GNG2: variants seen among roughly 807,000 people sequenced by gnomAD.
GNG2 encodes the protein guanine nucleotide-binding protein G(I)/G(S)/G(O) subunit gamma-2.
GNG2 carries 5 observed loss-of-function variants against 5.5 expected under a neutral mutation model. That is an observed-to-expected ratio of 0.91 (90% confidence interval 0.48 to 1.92). The LOEUF (loss-of-function observed/expected upper bound fraction) is 1.92, where lower values mean the gene tolerates loss of function less well. Among genes scored for constraint, GNG2 ranks in the 30% most tolerant of loss-of-function variants. GNG2 has a pLI of 0.01. For missense variants in GNG2, 55 were observed against 88.4 expected (o/e 0.62, Z 1.52); for synonymous variants, 28 against 32.0 (o/e 0.88, Z 0.42).
intron 2 of GNG2, among the ~76,000 whole-genome samples, chr14:51,906,357 T>A (rs1458058463): frequency 6.6e-6 from 1 of 152,272 alleles, no homozygotes; most frequent in Non-Finnish European, 1.5e-5. Context: ...TTTTTTTGTT[T>A]AAAATTAGTA....
rs2033591643 is a variant in GNG2, at chr14:51,967,357, CTAACA to C, written c.*672_*676del. The C allele has an allele frequency of 6.6e-6, 1 of 152,108 alleles. No individual in the cohort carries two copies. Among genetic ancestry groups the C allele is most frequent in the Admixed American group, 6.5e-5 (1 of 15,270 alleles). The allele number at this position is 152,108 out of a possible 1,614,324, so 9.4% of individuals were successfully genotyped here. On this transcript the variant is annotated 3_prime_UTR_variant, in exon 4 of 4. Coordinates refer to ENST00000556766, the MANE Select transcript of GNG2 (RefSeq NM_053064.5). ...TGTCTGTGTTCTCTTTTCACTATTC[CTAACA>C]TGTGTACATGATAGCTTTGATTCTG...
At chr14:51,918,889 A>C (rs1220243844) in intron 2 of GNG2, among the ~76,000 whole-genome samples, 5 of 152,214 alleles carry the variant, frequency 3.3e-5, no homozygotes, top group Non-Finnish European at 7.3e-5. Flanking sequence ...CAGTGGTACG[A>C]TCTCAGCTCA....
chr14:51,871,689 C>G (rs1883308186), intron 1 of GNG2, among the ~76,000 whole-genome samples: 1 of 152,164 alleles, frequency 6.6e-6, no homozygotes, highest in South Asian at 2.1e-4. Flanking sequence ...ATCTTTTATT[C>G]TATCCAAGGG....
chr14:51,917,024 G>C (rs779881577), intron 2 of GNG2, among the ~76,000 whole-genome samples: 23 of 152,128 alleles, frequency 1.5e-4, no homozygotes, highest in Non-Finnish European at 3.2e-4. Flanking sequence ...CATGTTCAGG[G>C]CTGGCTTGGG....
At chr14:51,963,927 A>G (rs549885399) in intron 3 of GNG2, among the ~76,000 whole-genome samples, 5 of 152,358 alleles carry the variant, frequency 3.3e-5, no homozygotes, top group Admixed American at 3.3e-4. Context: ...ATTTTTACAT[A>G]CATATCATGT....
At chr14:51,911,081 T>A (rs1886264139) in intron 2 of GNG2, among the ~76,000 whole-genome samples, 1 of 152,234 alleles carries the variant, frequency 6.6e-6, no homozygotes, top group South Asian at 2.1e-4. Context: ...ATTTGTCTAG[T>A]GGTGCACTTG....
Position 51,827,854 on chromosome 14 carries a change from C to T in GNG2, c.64+47C>T, listed in dbSNP as rs866798503. ...TGGAAGGATACTGCAAAGAGGAAAA[C>T]GTTGAAGTGTTTATTCTCTGAGGGA... On this transcript the variant is annotated intron_variant, in intron 2 of 3. Coordinates refer to the GNG2 transcript ENST00000553432. 108 of 637,370 alleles carry T rather than the reference C, an allele frequency of 1.7e-4. No homozygotes were observed. The Middle Eastern group carries it at 3.5e-3, about 21-fold the overall frequency. The allele number at this position is 637,370 out of a possible 1,614,324, so 39.5% of individuals were successfully genotyped here. A position where few individuals can be genotyped will look rare whatever the true frequency, so the allele number is the denominator to read the frequency against.
intron 2 of GNG2, among the ~76,000 whole-genome samples, chr14:51,949,311 C>G (rs114509630): frequency 0.032 from 4,943 of 152,142 alleles, 191 homozygotes; most frequent in East Asian, 0.14. Flanking sequence ...CAAGAAATAA[C>G]TACCAAAAGA....
intron 3 of GNG2, among the ~76,000 whole-genome samples, chr14:51,951,353 T>A (rs1474259998): frequency 6.6e-6 from 1 of 152,242 alleles, no homozygotes; most frequent in Non-Finnish European, 1.5e-5. Flanking sequence ...CCTGACAGCT[T>A]TGCTGTAAGC....
At chr14:51,949,063 G>T (rs1888812410) in intron 2 of GNG2, among the ~76,000 whole-genome samples, 1 of 151,216 alleles carries the variant, frequency 6.6e-6, no homozygotes, top group South Asian at 2.1e-4. Context: ...GGAGCTTGCA[G>T]TGAGCCGAGA....
chr14:51,938,354 T>A (rs901057094), intron 2 of GNG2, among the ~76,000 whole-genome samples: 1 of 152,232 alleles, frequency 6.6e-6, no homozygotes, highest in Admixed American at 6.5e-5. Flanking sequence ...AGATTATGCA[T>A]GTAATGTTTT....
chr14:51,893,167 T>TA (rs1884974214), intron 2 of GNG2, among the ~76,000 whole-genome samples: 1 of 152,202 alleles, frequency 6.6e-6, no homozygotes, highest in Middle Eastern at 3.2e-3. Flanking sequence ...TTAGGTCTCT[T>TA]ACATTTTAAT....
rs909230992 is a variant in GNG2 at position 51,916,195 on chromosome 14, T to C, written c.-29-34455T>C. On this transcript the variant is annotated intron_variant, in intron 2 of 3. Transcript: ENST00000556766. Reference sequence around the variant, plus strand: ...CATTTTATTTCTGTGTAAAATTTCCTTGTGTTGAGTGGTAGCTGATAGTGT... The same window carrying C: ...CATTTTATTTCTGTGTAAAATTTCCCTGTGTTGAGTGGTAGCTGATAGTGT... 1.7e-5 allele frequency: 4 copies of C among 236,488 alleles called. No individual in the cohort carries two copies. In the Admixed American group the frequency reaches 2.3e-4, roughly 14 times the overall value. 14.6% of individuals were successfully genotyped at this position (236,488 alleles called of 1,614,324 possible).
At chr14:51,915,480 G>C (rs1566684009) in intron 2 of GNG2, among the ~76,000 whole-genome samples, 1 of 152,178 alleles carries the variant, frequency 6.6e-6, no homozygotes, top group Non-Finnish European at 1.5e-5. Flanking sequence ...GGATATGGGA[G>C]GGACTTAAAG....
chr14:51,966,629 CT>C lies in GNG2; in HGVS notation c.159del (p.Val54PhefsTer25). ...AHAKEDPLLT[P>X]VPASENPFRE... The stretch of plus-strand genomic sequence containing the variant: ...GCCAAGGAAGACCCCCTCCTGACCC[CT>C]GTTCCGGCTTCAGAAAACCCGTTTA... On this transcript the variant is annotated frameshift_variant, in exon 4 of 4. Transcript: ENST00000556766. LOFTEE classifies it high-confidence loss of function. The C allele has an allele frequency of 6.2e-7, 1 of 1,613,654 alleles. No individual in the cohort carries two copies. Among genetic ancestry groups the C allele is most frequent in the Admixed American group, 1.7e-5 (1 of 60,028 alleles).
chr14:51,951,854 A>C (rs1416277871), intron 3 of GNG2: 1 of 701,500 alleles, frequency 1.4e-6, no homozygotes, highest in South Asian at 1.5e-5. Flanking sequence ...ATGGCCCACA[A>C]AGCTAAAATA....
chr14:51,894,278 T>C (rs546942453), intron 2 of GNG2, among the ~76,000 whole-genome samples: 28 of 152,124 alleles, frequency 1.8e-4, no homozygotes, highest in Non-Finnish European at 3.5e-4. Context: ...TATATAAAGA[T>C]TTTTGCTTCG....
intron 2 of GNG2, among the ~76,000 whole-genome samples, chr14:51,892,896 TTGTC>T (rs1347522870): frequency 3.9e-5 from 6 of 152,248 alleles, no homozygotes; most frequent in Non-Finnish European, 8.8e-5. Context: ...TATTAGGTAG[TTGTC>T]TGGAAATTTT....
intron 3 of GNG2, among the ~76,000 whole-genome samples, chr14:51,959,149 T>A (rs1889447880): frequency 1.3e-5 from 2 of 152,176 alleles, no homozygotes; most frequent in Admixed American, 1.3e-4. Context: ...GTCCTAGGGT[T>A]CATTCATTAC....
Sources: gnomAD v4.1 joint callset for allele counts (sites outside exome capture counted in the v4.1 genomes callset) on GRCh38, gnomAD v4.1.1 for gene constraint, MANE v1.5 for transcripts, NCBI Gene and HGNC (gene_info 2026-07-23, HGNC 2026-07-21) for gene names.